RBM27: variants seen among roughly 807,000 people sequenced by gnomAD.
RBM27 encodes RNA binding motif protein 27.
RBM27 carries 22 observed loss-of-function variants against 135.3 expected under a neutral mutation model. That is an observed-to-expected ratio of 0.16 (90% CI 0.12 to 0.23). The LOEUF is 0.23. RBM27 is among the 10% of genes least tolerant of loss of function. The pLI, the probability that RBM27 is intolerant of heterozygous loss-of-function variation, is 1.00. For synonymous variants in RBM27, 481 were observed against 442.4 expected, an observed-to-expected ratio of 1.09 and a Z score of -1.10; for missense variants, 1,009 against 1,281.0, an observed-to-expected ratio of 0.79 and a Z score of 3.24.
intron 7 of RBM27, 111 bp downstream of exon 7, chr5:146,233,854 AAT>A: frequency 1.5e-6 from 1 of 688,546 alleles, no homozygotes; most frequent in Non-Finnish European, 2.1e-6. Context: ...GTAATAATAT[AAT>A]TTGGAATATA....
chr5:146,246,604 A>C (rs1757633763), intron 8 of RBM27, among the ~76,000 whole-genome samples: 2 of 152,170 alleles, frequency 1.3e-5, no homozygotes, highest in African/African-American at 2.4e-5. Context: ...CCTTGAGGCC[A>C]AGAGTTCCAG....
intron 7 of RBM27, among the ~76,000 whole-genome samples, chr5:146,234,059 G>T (rs1195370672): frequency 6.6e-6 from 1 of 151,824 alleles, no homozygotes. Flanking sequence ...TTAGAGACAG[G>T]GTCTCATTAT....
chr5:146,231,323 T>C (rs1756921446), intron 6 of RBM27, among the ~76,000 whole-genome samples: 2 of 152,174 alleles, frequency 1.3e-5, no homozygotes, highest in South Asian at 4.1e-4. Flanking sequence ...CTGGCTGGTC[T>C]CGAACTCCTG....
chr5:146,227,656 G>A (rs1756736556), intron 3 of RBM27, among the ~76,000 whole-genome samples: 1 of 152,068 alleles, frequency 6.6e-6, no homozygotes, highest in African/African-American at 2.4e-5. Context: ...AAAAATTACT[G>A]GTTCTCCAGG....
At chr5:146,219,943 C>G (rs1467010281) in intron 2 of RBM27, among the ~76,000 whole-genome samples, 5 of 152,044 alleles carry the variant, frequency 3.3e-5, no homozygotes, top group Non-Finnish European at 7.4e-5. Flanking sequence ...GTTGCCCAGG[C>G]TGATCCTTGA....
At chr5:146,236,703 A>C (rs2126772443) in intron 7 of RBM27, among the ~76,000 whole-genome samples, 1 of 152,022 alleles carries the variant, frequency 6.6e-6, no homozygotes, top group South Asian at 2.1e-4. Context: ...GGCTCACTGC[A>C]GCCTCCACCT....
chr5:146,280,057 A>ATT (rs58281973), intron 19 of RBM27, among the ~76,000 whole-genome samples: 15 of 144,120 alleles, frequency 1.0e-4, no homozygotes, highest in Non-Finnish European at 7.7e-5. Flanking sequence ...TATTCCTTTA[A>ATT]TTTTTTTTTT....
chr5:146,269,728 C>A, intron 17 of RBM27, 144 bp downstream of exon 17: 10 of 284,420 alleles, frequency 3.5e-5, no homozygotes, highest in Middle Eastern at 1.1e-3. Context: ...AAAAAAAAAT[C>A]CTAATTATAG....
Position 146,237,431 on chromosome 5 carries a change from A to G in RBM27, c.1278A>G (p.Glu426=), listed in dbSNP as rs1757216273. 1 of 1,613,808 alleles carries G rather than the reference A, an allele frequency of 6.2e-7. No homozygotes were observed. ...LPQNLLYTVS[E]RQPMYSREHG... ...AGAACCTCCTTTACACAGTATCAGA[A>G]CGTAAGTACATGTTGTTTGACTTAA... Residue 426 remains glutamate (E), a splice_region_variant and synonymous_variant, in exon 8 of 21, where the codon GAA becomes GAG. Transcript: ENST00000265271.
chr5:146,228,291 T>C (rs1756766386), intron 3 of RBM27, among the ~76,000 whole-genome samples: 1 of 149,564 alleles, frequency 6.7e-6, no homozygotes, highest in African/African-American at 2.5e-5. Flanking sequence ...TCTTTTTTTT[T>C]TTTTTTTTTT....
At position 146,213,447 on chromosome 5, in the gene RBM27, AT is replaced by A. The variant is rs879852926; in HGVS notation, c.60-5526del. Among the ~76,000 whole-genome samples the A allele has an allele frequency of 3.9e-3, 579 of 147,098 alleles. 2 individuals are homozygous for A. Among genetic ancestry groups the A allele is most frequent in the African/African-American group, 0.013 (523 of 40,352 alleles). ...TGTTGATACACATTGAGATCAGGAG[AT>A]TTTTTTTTTTTAAGCTGTGGCTCAG... is the stretch of plus-strand genomic sequence containing the variant. On this transcript the variant is annotated intron_variant, in intron 1 of 20. Coordinates refer to ENST00000265271, the MANE Select transcript of RBM27 (RefSeq NM_018989.2).
chr5:146,227,425 T>G (rs995356186), intron 3 of RBM27, among the ~76,000 whole-genome samples: 8 of 152,228 alleles, frequency 5.3e-5, no homozygotes, highest in Admixed American at 5.2e-4. Context: ...GTGATTTTGC[T>G]GCCATATGGT....
At chr5:146,274,446 G>C (rs1214285928) in intron 19 of RBM27, among the ~76,000 whole-genome samples, 2 of 152,098 alleles carry the variant, frequency 1.3e-5, no homozygotes, top group Admixed American at 1.3e-4. Flanking sequence ...TTTTACTAGA[G>C]ATGGGGTTTT....
chr5:146,252,495 C>T (rs1757935063), intron 9 of RBM27, among the ~76,000 whole-genome samples: 1 of 152,148 alleles, frequency 6.6e-6, no homozygotes, highest in African/African-American at 2.4e-5. Flanking sequence ...GGATTTATGG[C>T]ACAAGGTCAT....
At chr5:146,281,158 A>G (rs922814409) in intron 19 of RBM27, among the ~76,000 whole-genome samples, 1 of 152,044 alleles carries the variant, frequency 6.6e-6, no homozygotes, top group African/African-American at 2.4e-5. Context: ...AGTCTATTTA[A>G]TGCCACATTT....
chr5:146,257,800 C>A (rs1222293464), intron 10 of RBM27, among the ~76,000 whole-genome samples: 1 of 151,292 alleles, frequency 6.6e-6, no homozygotes, highest in African/African-American at 2.4e-5. Flanking sequence ...TGGAGCTCTC[C>A]ATTGTTTTTG....
At chr5:146,224,395 C>T (rs1393374472) in intron 3 of RBM27, among the ~76,000 whole-genome samples, 2 of 152,022 alleles carry the variant, frequency 1.3e-5, no homozygotes, top group Non-Finnish European at 1.5e-5. Flanking sequence ...ATAAAAATTA[C>T]AAGAGGCTGG....
chr5:146,247,232 A>G (rs1757664352), intron 8 of RBM27, among the ~76,000 whole-genome samples: 1 of 152,148 alleles, frequency 6.6e-6, no homozygotes, highest in East Asian at 1.9e-4. Context: ...ATTGTTTTAG[A>G]ATAAGTCCCA....
chr5:146,288,756 A>T lies in RBM27; in HGVS notation c.*2726A>T, dbSNP rs1759682887. 1 of 152,124 alleles carries T rather than the reference A, an allele frequency of 6.6e-6. No individual in the cohort carries two copies. The highest frequency in any genetic ancestry group is 1.5e-5 in the Non-Finnish European group (1 of 67,946). 9.4% of individuals were successfully genotyped at this position (152,124 alleles called of 1,614,324 possible). On this transcript the variant is annotated 3_prime_UTR_variant, in exon 21 of 21. Coordinates refer to ENST00000265271, the MANE Select transcript of RBM27 (RefSeq NM_018989.2). ...GGATCACTGTCCAAGATAAAAAGGTAACCCCAAGTATTGCAAAATTTCCCT... is the reference window on the plus strand; with the variant it reads ...GGATCACTGTCCAAGATAAAAAGGTTACCCCAAGTATTGCAAAATTTCCCT...
Sources: allele counts gnomAD v4.1 joint callset (sites outside exome capture counted in the v4.1 genomes callset), GRCh38; gene constraint gnomAD v4.1.1; transcripts MANE v1.5; gene names NCBI Gene and HGNC (gene_info 2026-07-23, HGNC 2026-07-21).